The following PDE3A variants were observed in gnomAD, a reference collection of about 807,000 sequenced individuals.
The protein encoded by PDE3A is cGMP-inhibited 3',5'-cyclic phosphodiesterase 3A.
Under a neutral mutation model 98.3 loss-of-function variants are expected in PDE3A, and 43 were observed. The ratio of observed to expected loss-of-function variants is 0.44; its 90% CI spans 0.34 to 0.56. The LOEUF (loss-of-function observed/expected upper bound fraction) is 0.56. Ranked by LOEUF, PDE3A falls within the 20% of genes least tolerant of loss-of-function variation. The pLI is 0.01. For missense variants in PDE3A, 1,427 were observed against 1,440.7 expected, an observed-to-expected ratio of 0.99 and a Z score of 0.15; for synonymous variants, 663 against 567.9, an observed-to-expected ratio of 1.17 and a Z score of -2.38.
Position 20,388,022 on chromosome 12 carries a change from C to T in PDE3A, c.960+17778C>T, listed in dbSNP as rs1375409565. Among the ~76,000 whole-genome samples the T allele has an allele frequency of 8.6e-5, 13 of 152,028 alleles. No individual in the cohort carries two copies. In the South Asian group the frequency reaches 1.9e-3, roughly 22 times the overall value. On this transcript the variant is annotated intron_variant, in intron 1 of 15. Transcript: ENST00000359062. ...TTTTGTAAGTTTTCAACCCTCCACA[C>T]GTATTTTACAATCAGCAAAACAAAG...
At chr12:20,554,389 A>AT (rs1176852607) in intron 1 of PDE3A, among the ~76,000 whole-genome samples, 1 of 142,600 alleles carries the variant, frequency 7.0e-6, no homozygotes, top group Non-Finnish European at 1.5e-5. Flanking sequence ...AAATAAAAAA[A>AT]GATTTAGATT....
intron 5 of PDE3A, among the ~76,000 whole-genome samples, chr12:20,628,286 A>AT (rs1242274200): frequency 2.0e-5 from 3 of 152,142 alleles, no homozygotes; most frequent in Admixed American, 6.5e-5. Context: ...TGTGAACTTA[A>AT]TTTTTTGTTT....
chr12:20,498,979 A>G (rs1055259240), intron 1 of PDE3A, among the ~76,000 whole-genome samples: 6 of 152,128 alleles, frequency 3.9e-5, no homozygotes, highest in African/African-American at 7.2e-5. Context: ...GATCATCTGT[A>G]TGTTATACTT....
chr12:20,661,456 A>G (rs914882394), intron 15 of PDE3A, among the ~76,000 whole-genome samples: 2 of 152,228 alleles, frequency 1.3e-5, no homozygotes, highest in African/African-American at 2.4e-5. Context: ...AAATGTCTCC[A>G]GTATATGTCA....
intron 15 of PDE3A, among the ~76,000 whole-genome samples, chr12:20,661,384 C>T (rs774921397): frequency 8.5e-5 from 13 of 152,282 alleles, no homozygotes; most frequent in East Asian, 1.9e-4. Context: ...TAAATCCAAG[C>T]GAGCTGCAGA....
chr12:20,499,065 C>A (rs1331764046), intron 1 of PDE3A, among the ~76,000 whole-genome samples: 1 of 152,068 alleles, frequency 6.6e-6, no homozygotes, highest in Non-Finnish European at 1.5e-5. Flanking sequence ...AAAATTATAT[C>A]CTGTGGAGTC....
intron 1 of PDE3A, among the ~76,000 whole-genome samples, chr12:20,533,542 C>T (rs1295385021): frequency 6.7e-6 from 1 of 148,960 alleles, no homozygotes; most frequent in East Asian, 2.0e-4. Flanking sequence ...AGTGCAGTGG[C>T]GCCATTTCGG....
At chr12:20,554,228 G>T (rs1565587180) in intron 1 of PDE3A, among the ~76,000 whole-genome samples, 5 of 150,298 alleles carry the variant, frequency 3.3e-5, no homozygotes, top group Non-Finnish European at 5.9e-5. Flanking sequence ...TTTTTAAAGG[G>T]TTTTTTTTCA....
chr12:20,409,737 A>G (rs1669725128), intron 1 of PDE3A, among the ~76,000 whole-genome samples: 1 of 152,342 alleles, frequency 6.6e-6, no homozygotes, highest in South Asian at 2.1e-4. Flanking sequence ...GCTCACCACA[A>G]ATCAAACCAA....
At chr12:20,532,885 T>A (rs1045980511) in intron 1 of PDE3A, among the ~76,000 whole-genome samples, 5 of 152,050 alleles carry the variant, frequency 3.3e-5, no homozygotes, top group African/African-American at 1.2e-4. Flanking sequence ...AGACGGGGTT[T>A]CACCTTGGTC....
chr12:20,537,301 C>T (rs1450135584), intron 1 of PDE3A, among the ~76,000 whole-genome samples: 2 of 151,992 alleles, frequency 1.3e-5, no homozygotes, highest in African/African-American at 4.8e-5. Context: ...TACAAGCTTT[C>T]TGGTATAAGT....
At chr12:20,567,315 A>T (rs1389821211) in intron 2 of PDE3A, among the ~76,000 whole-genome samples, 2 of 152,050 alleles carry the variant, frequency 1.3e-5, no homozygotes, top group Admixed American at 1.3e-4. Context: ...TTGAGGAATT[A>T]GTGAAATTAT....
At position 20,514,134 on chromosome 12, in the gene PDE3A, G is replaced by A. The variant is rs369287710; in HGVS notation, c.961-42526G>A. Among the ~76,000 whole-genome samples, 414 of 152,214 alleles carry A rather than the reference G, an allele frequency of 2.7e-3. 5 individuals are homozygous for A. The highest frequency in any genetic ancestry group is 9.7e-3 in the African/African-American group (402 of 41,544). On this transcript the variant is annotated intron_variant, in intron 1 of 15. Coordinates refer to ENST00000359062, the MANE Select transcript of PDE3A (RefSeq NM_000921.5). ...ATCCACATCTCTGGGGTGAGACACA[G>A]GCATTTTATTTTTGTTTGAAATTTT...
At position 20,369,705 on chromosome 12, in the gene PDE3A, T is replaced by C; in HGVS notation, c.421T>C (p.Cys141Arg). 1 of 1,612,158 alleles carries C rather than the reference T, an allele frequency of 6.2e-7. No individual in the cohort carries two copies. Among genetic ancestry groups the C allele is most frequent in the Non-Finnish European group, 8.5e-7 (1 of 1,179,702 alleles). Residue 141 changes from cysteine (C) to arginine (R), a missense_variant, in exon 1 of 16, where the codon TGT (cysteine) becomes CGT (arginine). Cys to Arg is a radical substitution (Grantham distance 180, BLOSUM62 -3). Transcript: ENST00000359062. ...QPSALLFSLL[C>R]AFFWMGLYLL... is the part of the protein sequence containing the mutation. ...CTCGGCGCTGCTCTTCAGTCTCCTG[T>C]GTGCCTTCTTCTGGATGGGCTTGTA...
rs552662895 is a variant in PDE3A at position 20,514,000 on chromosome 12, C to T, written c.961-42660C>T. 4.6e-5 allele frequency among the ~76,000 whole-genome samples: 7 copies of T among 152,312 alleles called. No homozygotes were observed. In the South Asian group the frequency reaches 1.5e-3, roughly 32 times the overall value. ...TGTAAGTCCCACCTCCTCCGCTAAC[C>T]ATCTGTAGTCTGTTACACTTGCAGT... On this transcript the variant is annotated intron_variant, in intron 1 of 15. Coordinates refer to ENST00000359062, the MANE Select transcript of PDE3A (RefSeq NM_000921.5).
intron 1 of PDE3A, among the ~76,000 whole-genome samples, chr12:20,493,682 G>A (rs2121055954): frequency 6.6e-6 from 1 of 152,152 alleles, no homozygotes; most frequent in South Asian, 2.1e-4. Flanking sequence ...CAAGGCTGCA[G>A]TACAATGGCG....
chr12:20,492,032 G>A (rs1438098349), intron 1 of PDE3A, among the ~76,000 whole-genome samples: 1 of 152,098 alleles, frequency 6.6e-6, no homozygotes, highest in Non-Finnish European at 1.5e-5. Context: ...CCAGGCTGGA[G>A]TGTAGTGGTG....
chr12:20,621,900 C>T (rs1944145533), intron 5 of PDE3A, among the ~76,000 whole-genome samples: 1 of 152,136 alleles, frequency 6.6e-6, no homozygotes, highest in Non-Finnish European at 1.5e-5. Context: ...CTCATTTGTT[C>T]AGGGTCCTTG....
intron 15 of PDE3A, among the ~76,000 whole-genome samples, chr12:20,667,726 G>A (rs868172020): frequency 5.3e-5 from 8 of 152,126 alleles, no homozygotes; most frequent in South Asian, 4.2e-4. Flanking sequence ...TGTTCTTTTC[G>A]TTCAGGATTG....
Sources: allele counts gnomAD v4.1 joint callset (sites outside exome capture counted in the v4.1 genomes callset), GRCh38; gene constraint gnomAD v4.1.1; transcripts MANE v1.5; gene names NCBI Gene and HGNC (gene_info 2026-07-23, HGNC 2026-07-21).